The following KMT2A variants were observed in gnomAD, a reference collection of about 807,000 sequenced individuals.
The protein encoded by KMT2A is histone-lysine N-methyltransferase 2A.
In KMT2A, 16 loss-of-function variants were observed where a neutral mutation model predicts 345.3. That is an observed-to-expected ratio of 0.05 (90% CI 0.03 to 0.07). KMT2A has a LOEUF of 0.07. Ranked by LOEUF, KMT2A falls within the 10% of genes least tolerant of loss-of-function variation. The pLI, the probability that KMT2A is intolerant of heterozygous loss-of-function variation, is 1.00. For missense variants in KMT2A, 3,272 were observed against 4,841.6 expected, an observed-to-expected ratio of 0.68 and a Z score of 9.62; for synonymous variants, 1,599 against 1,778.6, an observed-to-expected ratio of 0.90 and a Z score of 2.54.
chr11:118,498,670 A>G lies in KMT2A; in HGVS notation c.5961+142A>G. The G allele has an allele frequency of 1.3e-6, 1 of 769,286 alleles. No homozygotes were observed. The highest frequency in any genetic ancestry group is 2.0e-6 in the Non-Finnish European group (1 of 493,636). 47.7% of individuals were successfully genotyped at this position (769,286 alleles called of 1,614,324 possible). ...CATATGCACAGCCTCCCCCATGATCAGCATCCCCCACCAGAGTGGTGCATT... is the reference window on the plus strand; with the variant it reads ...CATATGCACAGCCTCCCCCATGATCGGCATCCCCCACCAGAGTGGTGCATT... On this transcript the variant is annotated intron_variant, in intron 22 of 35. Transcript: ENST00000534358. This position sits in a 1 kb window ranked among gnomAD's most constrained non-coding sequence, Gnocchi z 4.4.
chr11:118,513,249 AAAG>A lies in KMT2A; in HGVS notation c.11146+1243_11146+1245del, dbSNP rs199569909. ...ACAGATAAATACTTTGTCACAAAAAAAAGAAGAAGAAGAAGAAGAAGGTTTTAA... is the reference window on the plus strand; with the variant it reads ...ACAGATAAATACTTTGTCACAAAAAAAAGAAGAAGAAGAAGAAGGTTTTAA... On this transcript the variant is annotated intron_variant, in intron 31 of 35. Coordinates refer to ENST00000534358, the MANE Select transcript of KMT2A (RefSeq NM_001197104.2). 5.2e-3 allele frequency among the ~76,000 whole-genome samples: 790 copies of A among 152,064 alleles called. 3 individuals carry two copies. Among genetic ancestry groups the A allele is most frequent in the African/African-American group, 0.016 (673 of 41,462 alleles).
In KMT2A at chr11:118,495,601, T is replaced by A. The variant is rs1555043754; in HGVS notation, c.5364-99T>A. 8 of 850,938 alleles carry A rather than the reference T, an allele frequency of 9.4e-6. No homozygotes were observed. The East Asian group carries it at 2.2e-4, about 23-fold the overall frequency. 52.7% of individuals were successfully genotyped at this position (850,938 alleles called of 1,614,324 possible). Reference sequence around the variant, plus strand: ...CTTGTTCTTATATTCTGTGAATGGCTCCTACATGGGGCAACAGGTGATATC... The same window carrying A: ...CTTGTTCTTATATTCTGTGAATGGCACCTACATGGGGCAACAGGTGATATC... On this transcript the variant is annotated intron_variant, in intron 18 of 35. Coordinates refer to ENST00000534358, the MANE Select transcript of KMT2A (RefSeq NM_001197104.2). The surrounding 1 kb of genome is among the most constrained non-coding windows in gnomAD (Gnocchi z 4.1).
At chr11:118,519,002 C>T (rs1302723744) in intron 31 of KMT2A, among the ~76,000 whole-genome samples, 6 of 124,234 alleles carry the variant, frequency 4.8e-5, no homozygotes, top group African/African-American at 2.0e-4. Flanking sequence ...GGCGTGAACC[C>T]GGGAGGTGGA....
intron 1 of KMT2A, among the ~76,000 whole-genome samples, chr11:118,444,948 C>T (rs1361402205): frequency 6.6e-6 from 1 of 152,184 alleles, no homozygotes; most frequent in African/African-American, 2.4e-5. Flanking sequence ...TTCATAGTCT[C>T]ATTGTGAGGC....
At chr11:118,515,276 T>TA (rs1950786862) in intron 31 of KMT2A, among the ~76,000 whole-genome samples, 1 of 152,244 alleles carries the variant, frequency 6.6e-6, no homozygotes, top group African/African-American at 2.4e-5. Context: ...TTCCCTGGTT[T>TA]ACACAACAAA....
intron 1 of KMT2A, among the ~76,000 whole-genome samples, chr11:118,457,670 T>G (rs927172648): frequency 6.6e-6 from 1 of 151,912 alleles, no homozygotes; most frequent in Admixed American, 6.6e-5. Flanking sequence ...CACATTCTTT[T>G]GTGTCTCTGT....
At chr11:118,488,287 C>T (rs1401944662) in intron 10 of KMT2A, among the ~76,000 whole-genome samples, 3 of 152,160 alleles carry the variant, frequency 2.0e-5, no homozygotes, top group Non-Finnish European at 4.4e-5. Context: ...CGTTTAAACC[C>T]TCCCTATTTC....
In KMT2A at chr11:118,502,992, C is replaced by T. The variant is rs782444743; in HGVS notation, c.7100C>T (p.Ala2367Val). Residue 2367 changes from alanine to valine, a missense_variant, in exon 27 of 36, where the codon GCC (alanine) becomes GTC (valine). Around this residue, in one of 27 missense-constraint regions of KMT2A, gnomAD observed 445 missense variants for 500.9 expected, o/e 0.89. Transcript: ENST00000534358. This position sits in a 1 kb window ranked among gnomAD's most constrained non-coding sequence, Gnocchi z 4.9. ...PSSVSFSSKE[A>V]LSFPHLHLRG... is the part of the protein sequence containing the mutation. ...TCAGTGTCGTTTTCTTCTAAAGAGGCCCTCTCCTTCCCACACCTCCATTTG... is the reference window on the plus strand; with the variant it reads ...TCAGTGTCGTTTTCTTCTAAAGAGGTCCTCTCCTTCCCACACCTCCATTTG... 2.0e-5 allele frequency: 32 copies of T among 1,613,896 alleles called. No individual in the cohort carries two copies. The highest frequency in any genetic ancestry group is 2.5e-5 in the Non-Finnish European group (30 of 1,179,996).
chr11:118,491,808 T>A lies in KMT2A; in HGVS notation c.4884T>A (p.Thr1628=), dbSNP rs781875933. The stretch of plus-strand genomic sequence containing the variant: ...TGGCCTACACTTGTGTGAACTGTAC[T>A]GAGCGGCACCCTGCAGAGTGGCGAC... ...ESVAYTCVNC[T]ERHPAEWRLA... Residue 1628 remains threonine (T), a synonymous_variant, in exon 15 of 36, where the codon ACT becomes ACA. Coordinates refer to ENST00000534358, the MANE Select transcript of KMT2A (RefSeq NM_001197104.2). This position sits in a 1 kb window ranked among gnomAD's most constrained non-coding sequence, Gnocchi z 4.2. The A allele has an allele frequency of 6.2e-7, 1 of 1,614,180 alleles. No individual in the cohort carries two copies. The highest frequency in any genetic ancestry group is 1.7e-5 in the Admixed American group (1 of 60,018).
chr11:118,439,016 T>C, intron 1 of KMT2A: 1 of 503,108 alleles, frequency 2.0e-6, no homozygotes. Flanking sequence ...AATTCTGTAT[T>C]TTTTAAGCTA....
At position 118,503,028 on chromosome 11, in the gene KMT2A, G is replaced by C. The variant is rs1221263820; in HGVS notation, c.7136G>C (p.Arg2379Thr). 6.2e-7 allele frequency: 1 copy of C among 1,613,664 alleles called. No individual in the cohort carries two copies. Among genetic ancestry groups the C allele is most frequent in the Non-Finnish European group, 8.5e-7 (1 of 1,179,984 alleles). Residue 2379 changes from arginine (R) to threonine (T), a missense_variant, in exon 27 of 36, where the codon AGG (arginine) becomes ACG (threonine). Physicochemically the swap from Arg to Thr is moderately conservative, Grantham distance 71 (BLOSUM62 -1). Transcript: ENST00000534358. This position sits in a 1 kb window ranked among gnomAD's most constrained non-coding sequence, Gnocchi z 5.3. The part of the protein sequence containing the change: ...SFPHLHLRGQ[R>T]NDRDQHTDST... ...CCACACCTCCATTTGAGAGGGCAAA[G>C]GAATGATCGAGACCAACACACAGAT... is the stretch of plus-strand genomic sequence containing the variant.
At chr11:118,439,160 A>AAC in intron 1 of KMT2A, 1 of 223,032 alleles carries the variant, frequency 4.5e-6, no homozygotes, top group Non-Finnish European at 9.5e-6. Context: ...TACAGCAGCA[A>AAC]AAAAAAAAAA....
At position 118,506,600 on chromosome 11, in the gene KMT2A, G is replaced by A; in HGVS notation, c.10708G>A (p.Ala3570Thr). 6.2e-7 allele frequency: 1 copy of A among 1,613,530 alleles called. No homozygotes were observed. The highest frequency in any genetic ancestry group is 8.5e-7 in the Non-Finnish European group (1 of 1,179,646). ...VSHLRTSSSEAHIPDQETTSL... is the reference protein window; with the variant it reads ...VSHLRTSSSETHIPDQETTSL... ...CCATTTGCGGACCAGTTCTTCTGAAGCACACATTCCAGACCAAGAAACGAC... is the reference window on the plus strand; with the variant it reads ...CCATTTGCGGACCAGTTCTTCTGAAACACACATTCCAGACCAAGAAACGAC... Residue 3570 changes from alanine to threonine, a missense_variant, in exon 27 of 36, where the codon GCA becomes ACA. Coordinates refer to ENST00000534358, the MANE Select transcript of KMT2A (RefSeq NM_001197104.2).
In KMT2A at chr11:118,498,878, C is replaced by A. The variant is rs532620650; in HGVS notation, c.5961+350C>A. On this transcript the variant is annotated intron_variant, in intron 22 of 35. Coordinates refer to ENST00000534358, the MANE Select transcript of KMT2A (RefSeq NM_001197104.2). The surrounding 1 kb of genome is among the most constrained non-coding windows in gnomAD (Gnocchi z 4.4). ...GCCTTAAACATCCTCTGTGCTCTGC[C>A]TATTCATCCCTGCCTCTCCCCAACC... is the stretch of plus-strand genomic sequence containing the variant. 1.4e-4 allele frequency among the ~76,000 whole-genome samples: 21 copies of A among 152,308 alleles called. No individual in the cohort carries two copies. The highest frequency in any genetic ancestry group is 2.8e-4 in the Non-Finnish European group (19 of 68,032).
chr11:118,508,354 C>T (rs1489937883), intron 28 of KMT2A, among the ~76,000 whole-genome samples: 6 of 152,136 alleles, frequency 3.9e-5, no homozygotes, highest in Admixed American at 2.6e-4. Flanking sequence ...ATCGCTGCCG[C>T]CAATTCTATT....
Position 118,505,655 on chromosome 11 carries a change from A to C in KMT2A, c.9763A>C (p.Met3255Leu). 6.2e-7 allele frequency: 1 copy of C among 1,614,150 alleles called. No individual in the cohort carries two copies. Among genetic ancestry groups the C allele is most frequent in the Non-Finnish European group, 8.5e-7 (1 of 1,180,010 alleles). Residue 3255 changes from methionine to leucine, a missense_variant, in exon 27 of 36, where the codon ATG becomes CTG. By Grantham distance (15) the Met-to-Leu change is conservative. Around this residue, in one of 27 missense-constraint regions of KMT2A, gnomAD observed 748 missense variants for 922.2 expected, o/e 0.81. Transcript: ENST00000534358. This position sits in a 1 kb window ranked among gnomAD's most constrained non-coding sequence, Gnocchi z 4.6. ...TGCCCCTTCTGATGTGGTTTCTAAT[A>C]TGACATTGATTAACTTCACACCCTC... The part of the protein sequence containing the change: ...NIAPSDVVSN[M>L]TLINFTPSQL...
At chr11:118,475,967 G>A (rs367660449) in intron 3 of KMT2A, among the ~76,000 whole-genome samples, 3 of 151,894 alleles carry the variant, frequency 2.0e-5, no homozygotes, top group Admixed American at 6.5e-5. Flanking sequence ...GTGCAATGGC[G>A]TGATCTTGGC....
chr11:118,473,650 A>G lies in KMT2A; in HGVS notation c.2491A>G (p.Ser831Gly), dbSNP rs782651251. The G allele has an allele frequency of 1.2e-6, 2 of 1,614,156 alleles. No individual in the cohort carries two copies. The highest frequency in any genetic ancestry group is 1.7e-6 in the Non-Finnish European group (2 of 1,180,046). Reference sequence around the variant, plus strand: ...TCCGGCAGAGCCATTTTCATCAAGTAGTCCTACTCCTCTCTTCCCTTGGTT... The same window carrying G: ...TCCGGCAGAGCCATTTTCATCAAGTGGTCCTACTCCTCTCTTCCCTTGGTT... Reference protein sequence around the residue: ...SAPAEPFSSSSPTPLFPWFTP... With the variant: ...SAPAEPFSSSGPTPLFPWFTP... Residue 831 changes from serine to glycine, a missense_variant, in exon 3 of 36, where the codon AGT (serine) becomes GGT (glycine). Physicochemically the swap from Ser to Gly is moderately conservative, Grantham distance 56 (BLOSUM62 0). This residue lies in a region of KMT2A where 209 missense variants were observed against 237.4 expected (regional missense o/e 0.88). Coordinates refer to ENST00000534358, the MANE Select transcript of KMT2A (RefSeq NM_001197104.2). This position sits in a 1 kb window ranked among gnomAD's most constrained non-coding sequence, Gnocchi z 5.2.
intron 1 of KMT2A, among the ~76,000 whole-genome samples, 178 bp downstream of exon 1, chr11:118,437,122 C>T (rs1466379112): frequency 6.6e-6 from 1 of 151,586 alleles, no homozygotes; most frequent in Admixed American, 6.6e-5. Flanking sequence ...CCCAGGCGCC[C>T]CCACCCCGGG....
Sources: gnomAD v4.1 joint callset for allele counts (sites outside exome capture counted in the v4.1 genomes callset) on GRCh38, gnomAD v4.1.1 for gene constraint, gnomAD v4.1.1 regional missense constraint, Gnocchi (gnomAD v3.1) non-coding constraint, MANE v1.5 for transcripts, NCBI Gene and HGNC (gene_info 2026-07-23, HGNC 2026-07-21) for gene names.